The following LGALS8 variants were observed in gnomAD, a reference collection of about 807,000 sequenced individuals.
LGALS8 encodes the protein galectin-8.
In LGALS8, 30 loss-of-function variants were observed where a neutral mutation model predicts 35.9. That is an observed-to-expected ratio of 0.83 (90% CI 0.62 to 1.13). The LOEUF is 1.13. Among genes scored for constraint, LGALS8 ranks in the 50% most tolerant of loss-of-function variants. LGALS8 has a pLI of 0.00. For missense variants in LGALS8, 366 were observed against 388.7 expected (o/e 0.94, Z 0.49); for synonymous variants, 138 against 136.1 (o/e 1.01, Z -0.10).
At chr1:236,545,083 A>G (rs1232507979) in intron 9 of LGALS8, 168 bp downstream of exon 9, 3 of 526,678 alleles carry the variant, frequency 5.7e-6, no homozygotes, top group African/African-American at 3.8e-5. Flanking sequence ...GGCAATCAGT[A>G]TAAATGGCAA....
intron 2 of LGALS8, among the ~76,000 whole-genome samples, chr1:236,535,898 C>T (rs544953160): frequency 1.4e-4 from 21 of 152,368 alleles, no homozygotes; most frequent in African/African-American, 4.8e-4. Flanking sequence ...CCTGCCAGAG[C>T]CCACTTTCCA....
At chr1:236,528,516 TTTTTAA>T (rs1292746834) in intron 2 of LGALS8, among the ~76,000 whole-genome samples, 3 of 151,264 alleles carry the variant, frequency 2.0e-5, no homozygotes, top group African/African-American at 7.3e-5. Flanking sequence ...ACACCGCCAC[TTTTTAA>T]TTTTTATTTC....
chr1:236,537,136 C>A (rs1661580297), intron 2 of LGALS8, among the ~76,000 whole-genome samples: 1 of 151,426 alleles, frequency 6.6e-6, no homozygotes. Context: ...CCTGCCTCAG[C>A]CTCCCGAGTA....
chr1:236,519,645 A>G (rs944482786), upstream of LGALS8, among the ~76,000 whole-genome samples: 4 of 152,244 alleles, frequency 2.6e-5, no homozygotes, highest in African/African-American at 9.6e-5. Context: ...TCCACGGATC[A>G]TTCACATGAG....
chr1:236,527,225 C>A (rs1026952367), intron 2 of LGALS8, among the ~76,000 whole-genome samples: 1 of 152,116 alleles, frequency 6.6e-6, no homozygotes, highest in Non-Finnish European at 1.5e-5. Flanking sequence ...TCATTTCTGC[C>A]CTTCACACAG....
upstream of LGALS8, among the ~76,000 whole-genome samples, chr1:236,519,169 G>A (rs1660484856): frequency 1.3e-5 from 2 of 151,686 alleles, no homozygotes; most frequent in Admixed American, 1.3e-4. Context: ...CAGGAGGACT[G>A]CTTGAGCCCA....
intron 8 of LGALS8, 81 bp downstream of exon 8, chr1:236,543,729 C>A: frequency 2.1e-6 from 2 of 972,534 alleles, no homozygotes; most frequent in East Asian, 2.5e-5. Context: ...GTCCTGTGAG[C>A]TGGAAGAAGG....
At chr1:236,539,326 T>G in intron 4 of LGALS8, 7 of 497,218 alleles carry the variant, frequency 1.4e-5, no homozygotes, top group South Asian at 9.1e-5. Flanking sequence ...CAGATCTTTT[T>G]ATTAGATCCT....
intron 7 of LGALS8, chr1:236,543,214 T>C (rs148420439): frequency 3.4e-4 from 223 of 651,044 alleles, no homozygotes; most frequent in African/African-American, 2.9e-3. Context: ...TCCTGTGTAT[T>C]TCCTCAGCAC....
At position 236,548,154 on chromosome 1, in the gene LGALS8, G is replaced by A. The variant is rs1272765436; in HGVS notation, c.947G>A (p.Ser316Asn). 6.2e-7 allele frequency: 1 copy of A among 1,613,344 alleles called. No individual in the cohort carries two copies. Among genetic ancestry groups the A allele is most frequent in the East Asian group, 2.2e-5 (1 of 44,866 alleles). The change falls in exon 10 of 10, where the codon AGC (serine) becomes AAC (asparagine). Residue 316 changes from serine (S) to asparagine (N), a missense_variant. Ser to Asn is a conservative substitution (Grantham distance 46, BLOSUM62 1). Transcript: ENST00000366584. ...NGDIHLLEVR[S>N]W ...GACATCCACTTACTGGAAGTAAGGAGCTGGTAGCCTACCTACACAGCTGCT... is the reference window on the plus strand; with the variant it reads ...GACATCCACTTACTGGAAGTAAGGAACTGGTAGCCTACCTACACAGCTGCT...
upstream of LGALS8, among the ~76,000 whole-genome samples, chr1:236,519,436 A>C (rs186515427): frequency 2.1e-4 from 32 of 152,274 alleles, no homozygotes; most frequent in Admixed American, 2.1e-3. Flanking sequence ...ATATTATACC[A>C]TATAAATGTG....
At chr1:236,542,992 T>G (rs761413355) in intron 7 of LGALS8, 1 of 1,614,174 alleles carries the variant, frequency 6.2e-7, no homozygotes, top group South Asian at 1.1e-5. Flanking sequence ...CGACTGTCAA[T>G]CACACTTTGA....
chr1:236,522,734 C>T (rs897401484), upstream of LGALS8, among the ~76,000 whole-genome samples: 1 of 152,190 alleles, frequency 6.6e-6, no homozygotes, highest in Non-Finnish European at 1.5e-5. Flanking sequence ...ATAAAACACA[C>T]AACACATACC....
Position 236,550,692 on chromosome 1 carries a change from C to T in LGALS8, c.*2531C>T. The T allele has an allele frequency of 2.1e-6, 1 of 467,058 alleles. No individual in the cohort carries two copies. The highest frequency in any genetic ancestry group is 3.8e-6 in the Non-Finnish European group (1 of 264,872). 28.9% of individuals were successfully genotyped at this position (467,058 alleles called of 1,614,324 possible). Reference sequence around the variant, plus strand: ...GTATAAAAATACCGTGTATCATTTACTCTTTCTGCAGCTCTATACGATAGG... The same window carrying T: ...GTATAAAAATACCGTGTATCATTTATTCTTTCTGCAGCTCTATACGATAGG... On this transcript the variant is annotated 3_prime_UTR_variant, in exon 10 of 10. Coordinates refer to ENST00000366584, the MANE Select transcript of LGALS8 (RefSeq NM_201544.4).
At chr1:236,519,793 T>C (rs1356067170), upstream of LGALS8, among the ~76,000 whole-genome samples, 2 of 152,186 alleles carry the variant, frequency 1.3e-5, no homozygotes, top group Non-Finnish European at 2.9e-5. Context: ...CACAAGCCAG[T>C]ATGAGCTAAC....
In LGALS8 at chr1:236,548,251, G is replaced by T. The variant is rs1662534825; in HGVS notation, c.*90G>T. 3 of 1,166,386 alleles carry T rather than the reference G, an allele frequency of 2.6e-6. No individual in the cohort carries two copies. The South Asian group carries it at 4.4e-5, about 17-fold the overall frequency. The allele number at this position is 1,166,386 out of a possible 1,614,324, so 72.3% of individuals were successfully genotyped here. ...AAACGCATCTCACTGTCATTCTATT[G>T]TTTATATTGTTAAAATGAGCTTGTG... On this transcript the variant is annotated 3_prime_UTR_variant, in exon 10 of 10. Transcript: ENST00000366584.
At position 236,526,254 on chromosome 1, in the gene LGALS8, T is replaced by G; in HGVS notation, c.45+139T>G. ...ACCTACTATGTAATAGAGATGGTGG[T>G]GGGTGCTGATTACAAAACAGCTCTT... On this transcript the variant is annotated intron_variant, in intron 2 of 9. Coordinates refer to ENST00000366584, the MANE Select transcript of LGALS8 (RefSeq NM_201544.4). This position sits in a 1 kb window ranked among gnomAD's most constrained non-coding sequence, Gnocchi z 4.6. 1.7e-6 allele frequency: 1 copy of G among 580,320 alleles called. No individual in the cohort carries two copies. Among genetic ancestry groups the G allele is most frequent in the Non-Finnish European group, 3.0e-6 (1 of 330,498 alleles). The allele number at this position is 580,320 out of a possible 1,614,324, so 35.9% of individuals were successfully genotyped here.
chr1:236,533,564 C>T (rs1238206083), intron 2 of LGALS8, among the ~76,000 whole-genome samples: 1 of 151,946 alleles, frequency 6.6e-6, no homozygotes, highest in Non-Finnish European at 1.5e-5. Context: ...CAACTCCCAA[C>T]CTCAAGTGAT....
At position 236,537,021 on chromosome 1, in the gene LGALS8, C is replaced by CTTTTTTTTTTTTTTT. The variant is rs60024224; in HGVS notation, c.46-463_46-462insTTTTTTTTTTTTTTT. Among the ~76,000 whole-genome samples the CTTTTTTTTTTTTTTT allele has an allele frequency of 1.7e-3, 241 of 137,812 alleles. 18 individuals are homozygous for CTTTTTTTTTTTTTTT. The highest frequency in any genetic ancestry group is 5.6e-3 in the African/African-American group (192 of 34,406). 90.4% of individuals were successfully genotyped at this position (137,812 alleles called of 152,430 possible). A position where few individuals can be genotyped will look rare whatever the true frequency, so the allele number is the denominator to read the frequency against. On this transcript the variant is annotated intron_variant, in intron 2 of 9. Transcript: ENST00000366584. ...ATCCTGGCCATGAGGTATGCAGTTC[C>CTTTTTTTTTTTTTTT]TTTTTTTTTTTTTGAGACGGAGCCT...
Sources: allele counts gnomAD v4.1 joint callset (sites outside exome capture counted in the v4.1 genomes callset), GRCh38; gene constraint gnomAD v4.1.1; non-coding constraint Gnocchi (gnomAD v3.1); transcripts MANE v1.5; gene names NCBI Gene and HGNC (gene_info 2026-07-23, HGNC 2026-07-21).